CDH8: variants seen among roughly 807,000 people sequenced by gnomAD.
CDH8 encodes the protein cadherin 8.
Under a neutral mutation model 68.1 loss-of-function variants are expected in CDH8, and 17 were observed. The ratio of observed to expected loss-of-function variants is 0.25; its 90% CI spans 0.17 to 0.37. CDH8 has a LOEUF of 0.37. CDH8 is among the 10% of genes least tolerant of loss of function. The probability of loss-of-function intolerance (pLI) is 1.00; values close to 1 mark genes in which losing one functional copy is unlikely to be tolerated. For synonymous variants in CDH8, 372 were observed against 365.1 expected (o/e 1.02, Z -0.21); for missense variants, 763 against 999.3 (o/e 0.76, Z 3.19).
intron 10 of CDH8, among the ~76,000 whole-genome samples, chr16:61,667,997 T>C (rs74023212): frequency 0.023 from 3,566 of 152,014 alleles, 141 homozygotes; most frequent in African/African-American, 0.08. Context: ...AGCTCAAGGA[T>C]AAGAGAAAAA....
chr16:61,854,736 G>A (rs1238437924), intron 4 of CDH8, among the ~76,000 whole-genome samples: 1 of 152,016 alleles, frequency 6.6e-6, no homozygotes, highest in African/African-American at 2.4e-5. Context: ...AATAAAAAAT[G>A]TTAAACAATG....
rs1280595648 is a variant in CDH8, at chr16:61,901,377, C to G, written c.349G>C (p.Asp117His). The change falls in exon 3 of 12, where the codon GAT becomes CAT. Residue 117 changes from aspartate to histidine, a missense_variant. By Grantham distance (81) the Asp-to-His change is moderately conservative (BLOSUM62 -1). This residue lies in a region of CDH8 where 366 missense variants were observed against 563.1 expected (regional missense o/e 0.65). Coordinates refer to ENST00000577390, the MANE Select transcript of CDH8 (RefSeq NM_001796.5). ...TCAAGTCTTTTTATAGCATGGATAT[C>G]TCCAGTTACATCATTTATTTGAAAT... ...TIFQINDVTG[D>H]IHAIKRLDRE... is the part of the protein sequence containing the mutation. The G allele has an allele frequency of 6.2e-7, 1 of 1,613,662 alleles. No homozygotes were observed. The highest frequency in any genetic ancestry group is 2.2e-5 in the East Asian group (1 of 44,876).
intron 3 of CDH8, among the ~76,000 whole-genome samples, chr16:61,869,898 G>T (rs555867345): frequency 6.6e-6 from 1 of 152,232 alleles, no homozygotes; most frequent in Admixed American, 6.5e-5. Flanking sequence ...CCATATTCAA[G>T]ACTCTTAGAT....
intron 10 of CDH8, among the ~76,000 whole-genome samples, chr16:61,711,254 G>T (rs1964625762): frequency 6.6e-6 from 1 of 151,766 alleles, no homozygotes; most frequent in African/African-American, 2.4e-5. Context: ...TAAGAGACAA[G>T]AAAAATTACA....
chr16:61,647,493 C>A lies in CDH8; in HGVS notation c.*6115G>T. 1 of 272,422 alleles carries A rather than the reference C, an allele frequency of 3.7e-6. No homozygotes were observed. The allele number at this position is 272,422 out of a possible 1,614,324, so 16.9% of individuals were successfully genotyped here. Reference sequence around the variant, plus strand: ...GTGGGGGGGGTGATCCCAGTGACTCCTAAATTGTCATGTTCCATCTTAGAG... The same window carrying A: ...GTGGGGGGGGTGATCCCAGTGACTCATAAATTGTCATGTTCCATCTTAGAG... On this transcript the variant is annotated 3_prime_UTR_variant, in exon 12 of 12. Coordinates refer to ENST00000577390, the MANE Select transcript of CDH8 (RefSeq NM_001796.5).
chr16:61,658,048 G>A (rs1178693116), intron 10 of CDH8, among the ~76,000 whole-genome samples: 1 of 151,912 alleles, frequency 6.6e-6, no homozygotes, highest in Non-Finnish European at 1.5e-5. Flanking sequence ...CCAGTTCCAG[G>A]CAACATCAAT....
intron 2 of CDH8, among the ~76,000 whole-genome samples, chr16:61,991,966 G>A (rs1297899036): frequency 6.6e-6 from 1 of 151,780 alleles, no homozygotes; most frequent in East Asian, 1.9e-4. Flanking sequence ...ACACGTTGTT[G>A]TTGTTGTTTA....
Position 61,910,546 on chromosome 16 carries a change from G to A in CDH8, c.253-9073C>T, listed in dbSNP as rs147257408. ...AGAGGTAGATTGGAACAAATATACT[G>A]AGAAATTTACTTAACCTCTCCAAGA... On this transcript the variant is annotated intron_variant, in intron 2 of 11. Transcript: ENST00000577390. 5.9e-3 allele frequency among the ~76,000 whole-genome samples: 893 copies of A among 152,146 alleles called. 10 individuals carry two copies. The highest frequency in any genetic ancestry group is 0.021 in the African/African-American group (854 of 41,526).
chr16:61,808,589 C>T (rs934229974), intron 7 of CDH8, among the ~76,000 whole-genome samples: 1 of 152,162 alleles, frequency 6.6e-6, no homozygotes, highest in Non-Finnish European at 1.5e-5. Context: ...ATGGCAATAA[C>T]AATTCTCATT....
chr16:62,016,711 G>T (rs1901949759), intron 2 of CDH8, among the ~76,000 whole-genome samples: 1 of 152,196 alleles, frequency 6.6e-6, no homozygotes, highest in Non-Finnish European at 1.5e-5. Flanking sequence ...GTCCACAGAG[G>T]ACTGGAGGCA....
At chr16:61,712,759 C>T (rs571559255) in intron 10 of CDH8, among the ~76,000 whole-genome samples, 13 of 151,696 alleles carry the variant, frequency 8.6e-5, no homozygotes, top group African/African-American at 2.9e-4. Flanking sequence ...TATATAACAA[C>T]TGTCATTTCC....
chr16:61,963,273 T>G (rs1433604965), intron 2 of CDH8, among the ~76,000 whole-genome samples: 1 of 152,184 alleles, frequency 6.6e-6, no homozygotes, highest in Admixed American at 6.5e-5. Flanking sequence ...CATGTCACCA[T>G]GACCATCAGT....
At chr16:61,792,170 G>T (rs1256045373) in intron 7 of CDH8, among the ~76,000 whole-genome samples, 1 of 151,918 alleles carries the variant, frequency 6.6e-6, no homozygotes, top group Non-Finnish European at 1.5e-5. Context: ...CAAAGGCAGA[G>T]ATATTTTTCT....
intron 2 of CDH8, among the ~76,000 whole-genome samples, chr16:61,923,724 GAT>G (rs371820502): frequency 8.4e-5 from 12 of 142,126 alleles, no homozygotes; most frequent in Non-Finnish European, 1.4e-4. Flanking sequence ...ATGGCTAGAG[GAT>G]ATATATATAT....
Position 61,935,472 on chromosome 16 carries a change from T to C in CDH8, c.253-33999A>G, listed in dbSNP as rs1158873094. The stretch of plus-strand genomic sequence containing the variant: ...CAACTGTTTCTGGACTTTAATAATA[T>C]AGTATTGAGAATGGAACTATACATT... On this transcript the variant is annotated intron_variant, in intron 2 of 11. Transcript: ENST00000577390. 2.6e-5 allele frequency among the ~76,000 whole-genome samples: 4 copies of C among 152,180 alleles called. 1 individual carries two copies. Among genetic ancestry groups the C allele is most frequent in the South Asian group, 4.1e-4 (2 of 4,830 alleles).
chr16:62,006,931 C>G (rs1192235790), intron 2 of CDH8, among the ~76,000 whole-genome samples: 1 of 148,542 alleles, frequency 6.7e-6, no homozygotes, highest in East Asian at 2.0e-4. Context: ...TTTTTGAGAC[C>G]GAGTCTCACT....
intron 8 of CDH8, among the ~76,000 whole-genome samples, chr16:61,763,119 AC>A (rs1322192038): frequency 1.3e-5 from 2 of 152,152 alleles, no homozygotes; most frequent in Non-Finnish European, 2.9e-5. Context: ...ATGTAAAAGA[AC>A]AACAGGAAAG....
chr16:61,905,895 G>GA (rs996175188), intron 2 of CDH8, among the ~76,000 whole-genome samples: 8 of 147,328 alleles, frequency 5.4e-5, no homozygotes, highest in African/African-American at 2.0e-4. Context: ...ACTCCGTCTT[G>GA]AAAAAAAAGA....
At chr16:62,023,314 A>G (rs1902118444) in intron 1 of CDH8, among the ~76,000 whole-genome samples, 1 of 152,090 alleles carries the variant, frequency 6.6e-6, no homozygotes, top group African/African-American at 2.4e-5. Flanking sequence ...GTGTGTGCTG[A>G]GGACTGTCTG....
Sources: allele counts gnomAD v4.1 joint callset (sites outside exome capture counted in the v4.1 genomes callset), GRCh38; gene constraint gnomAD v4.1.1; regional missense constraint gnomAD v4.1.1; transcripts MANE v1.5; gene names NCBI Gene and HGNC (gene_info 2026-07-23, HGNC 2026-07-21).